The following TSTD2 variants were observed in gnomAD, a reference collection of about 807,000 sequenced individuals.
TSTD2 encodes thiosulfate sulfurtransferase/rhodanese-like domain-containing protein 2.
Under a neutral mutation model 47.9 loss-of-function variants are expected in TSTD2, and 37 were observed. The observed-to-expected ratio is 0.77, with a 90% CI of 0.59 to 1.02. The LOEUF is 1.02. Among genes scored for constraint, TSTD2 ranks in the 50% least tolerant of loss-of-function variants. The pLI is 0.00. For synonymous variants in TSTD2, 201 were observed against 215.9 expected, an observed-to-expected ratio of 0.93 and a Z score of 0.61; for missense variants, 586 against 616.0, an observed-to-expected ratio of 0.95 and a Z score of 0.52.
chr9:97,605,694 G>A, intron 7 of TSTD2, 53 bp from the exon 8 acceptor site: 1 of 1,610,152 alleles, frequency 6.2e-7, no homozygotes, highest in Non-Finnish European at 8.5e-7. Flanking sequence ...TACCTGGTAG[G>A]AACAAAGGTT....
chr9:97,604,493 G>A, intron 9 of TSTD2: 1 of 513,224 alleles, frequency 1.9e-6, no homozygotes. Flanking sequence ...ATGTTAATGG[G>A]CTTGTCCAGC....
intron 6 of TSTD2, among the ~76,000 whole-genome samples, chr9:97,609,982 T>A (rs1564006920): frequency 6.6e-6 from 1 of 152,238 alleles, no homozygotes; most frequent in Non-Finnish European, 1.5e-5. Context: ...TGAAAACTGC[T>A]GTGGTGTTGA....
rs1826246133 is a variant in TSTD2 at position 97,601,046 on chromosome 9, G to A, written c.*1423C>T. On this transcript the variant is annotated 3_prime_UTR_variant, in exon 10 of 10. Coordinates refer to ENST00000341170, the MANE Select transcript of TSTD2 (RefSeq NM_139246.5). ...AAGGTGAAGGCCTGCGCACTGAACTGTAAGGCAGTGGGCAGTACAGGGTAA... is the reference window on the plus strand; with the variant it reads ...AAGGTGAAGGCCTGCGCACTGAACTATAAGGCAGTGGGCAGTACAGGGTAA... 33 of 1,303,770 alleles carry A rather than the reference G, an allele frequency of 2.5e-5. No homozygotes were observed. In the South Asian group the frequency reaches 3.3e-4, roughly 13 times the overall value. The allele number at this position is 1,303,770 out of a possible 1,614,324, so 80.8% of individuals were successfully genotyped here. A position where few individuals can be genotyped will look rare whatever the true frequency, so the allele number is the denominator to read the frequency against.
chr9:97,621,409 T>C (rs532108109), intron 3 of TSTD2, among the ~76,000 whole-genome samples: 1 of 152,218 alleles, frequency 6.6e-6, no homozygotes, highest in Middle Eastern at 3.4e-3. Flanking sequence ...AAAAAGAACA[T>C]GGTAACAGCC....
rs978978795 is a variant in TSTD2, at chr9:97,601,414, G to A, written c.*1055C>T. The A allele has an allele frequency of 9.6e-6, 10 of 1,037,572 alleles. No individual in the cohort carries two copies. The African/African-American group carries it at 1.0e-4, about 11-fold the overall frequency. 64.3% of individuals were successfully genotyped at this position (1,037,572 alleles called of 1,614,324 possible). On this transcript the variant is annotated 3_prime_UTR_variant, in exon 10 of 10. Coordinates refer to ENST00000341170, the MANE Select transcript of TSTD2 (RefSeq NM_139246.5). ...TAAAAACTGTGGCTCAAATGTCACC[G>A]AGCTTATATGAAGCTCCCAGAGAGA...
Position 97,617,742 on chromosome 9 carries a change from AG to A in TSTD2, c.603+14del. The stretch of plus-strand genomic sequence containing the variant: ...ATGGACCCAGTGAAGGAAGGAATAT[AG>A]GAGAAGGTGTTACCTTGCCTGTGAG... On this transcript the variant is annotated intron_variant, in intron 4 of 9. Coordinates refer to ENST00000341170, the MANE Select transcript of TSTD2 (RefSeq NM_139246.5). 6.2e-7 allele frequency: 1 copy of A among 1,608,962 alleles called. No individual in the cohort carries two copies. Among genetic ancestry groups the A allele is most frequent in the Non-Finnish European group, 8.5e-7 (1 of 1,178,324 alleles).
chr9:97,604,476 G>A (rs960375128), intron 9 of TSTD2: 6 of 432,976 alleles, frequency 1.4e-5, no homozygotes, highest in Admixed American at 4.2e-5. Flanking sequence ...CAGGTGAGAT[G>A]ATCCCCATGT....
Position 97,600,719 on chromosome 9 carries a change from A to G in TSTD2, c.*1750T>C. The stretch of plus-strand genomic sequence containing the variant: ...CTCCGCAGGATGCCGGACAATGGTG[A>G]AGAAACTCCAGATATCAAGGAATTG... On this transcript the variant is annotated 3_prime_UTR_variant, in exon 10 of 10. Transcript: ENST00000341170. 9.9e-7 allele frequency: 1 copy of G among 1,005,682 alleles called. No homozygotes were observed. The highest frequency in any genetic ancestry group is 1.2e-6 in the Non-Finnish European group (1 of 842,198). 62.3% of individuals were successfully genotyped at this position (1,005,682 alleles called of 1,614,324 possible).
intron 4 of TSTD2, 80 bp downstream of exon 4, chr9:97,617,677 T>A (rs1826568730): frequency 6.8e-7 from 1 of 1,474,500 alleles, no homozygotes; most frequent in African/African-American, 1.4e-5. Flanking sequence ...ATCTTTTTTA[T>A]AATGAGCACA....
intron 4 of TSTD2, among the ~76,000 whole-genome samples, chr9:97,616,891 G>A (rs1367954376): frequency 6.6e-6 from 1 of 152,098 alleles, no homozygotes; most frequent in African/African-American, 2.4e-5. Flanking sequence ...CTAACATTTT[G>A]GTATACACAA....
At chr9:97,632,544 A>G (rs1006607068) in intron 1 of TSTD2, among the ~76,000 whole-genome samples, 38 of 106,284 alleles carry the variant, frequency 3.6e-4, no homozygotes, top group African/African-American at 1.5e-3. Flanking sequence ...CACTAGGCTC[A>G]GCTAATTTTT....
At chr9:97,632,117 T>C (rs972039351) in intron 1 of TSTD2, among the ~76,000 whole-genome samples, 1 of 152,246 alleles carries the variant, frequency 6.6e-6, no homozygotes, top group South Asian at 2.1e-4. Flanking sequence ...AAATATAATA[T>C]TCGTTGAATG....
intron 9 of TSTD2, chr9:97,602,995 C>G (rs1385050178): frequency 2.2e-6 from 1 of 451,970 alleles, no homozygotes; most frequent in African/African-American, 2.0e-5. Flanking sequence ...CCAGTATTTA[C>G]TGACTTTTTT....
intron 3 of TSTD2, among the ~76,000 whole-genome samples, chr9:97,619,271 G>A (rs1468259401): frequency 2.0e-5 from 3 of 152,184 alleles, no homozygotes; most frequent in African/African-American, 4.8e-5. Context: ...ATGTGGCACT[G>A]AGTAGTAATG....
chr9:97,632,461 T>A (rs1277277701), intron 1 of TSTD2, among the ~76,000 whole-genome samples: 1 of 151,796 alleles, frequency 6.6e-6, no homozygotes, highest in Non-Finnish European at 1.5e-5. Context: ...ATTCTCGACC[T>A]CCTGGGCTCA....
intron 4 of TSTD2, among the ~76,000 whole-genome samples, chr9:97,615,038 T>C (rs1322431579): frequency 6.6e-6 from 1 of 152,222 alleles, no homozygotes; most frequent in Non-Finnish European, 1.5e-5. Context: ...GAAGTATGTA[T>C]GTCTAAGTAC....
At chr9:97,616,076 T>C (rs1275073533) in intron 4 of TSTD2, among the ~76,000 whole-genome samples, 4 of 152,160 alleles carry the variant, frequency 2.6e-5, no homozygotes, top group East Asian at 1.9e-4. Flanking sequence ...AAAGGTCTCT[T>C]TGAGGAAGTG....
chr9:97,617,974 A>G, intron 3 of TSTD2, 97 bp from the exon 4 acceptor site: 26 of 1,468,590 alleles, frequency 1.8e-5, no homozygotes, highest in Non-Finnish European at 2.4e-5. Flanking sequence ...GGGAAGGCTA[A>G]GATGAGGACA....
rs2773347 is a variant in TSTD2 at position 97,625,915 on chromosome 9, C to T, written c.248G>A (p.Arg83Gln). ...ECKEKLWKCC[R>Q]QLFTDQTSIH... ...GCTGGTTTGGTCTGTGAATAGCTGC[C>T]GACAGCATTTCCACAATTTTTCTTT... Residue 83 changes from arginine to glutamine, a missense_variant, in exon 3 of 10, where the codon CGG becomes CAG. Coordinates refer to ENST00000341170, the MANE Select transcript of TSTD2 (RefSeq NM_139246.5). 1,063,062 of 1,613,866 alleles carry T rather than the reference C, an allele frequency of 0.66. 352,554 individuals are homozygous for T. The highest frequency in any genetic ancestry group is 0.78 in the African/African-American group (58,238 of 75,006).
Sources: gnomAD v4.1 joint callset for allele counts (sites outside exome capture counted in the v4.1 genomes callset) on GRCh38, gnomAD v4.1.1 for gene constraint, MANE v1.5 for transcripts, NCBI Gene and HGNC (gene_info 2026-07-23, HGNC 2026-07-21) for gene names.